PRIM2: variants seen among roughly 807,000 people sequenced by gnomAD.
PRIM2 encodes DNA primase subunit 2, also known as DNA primase large subunit.
Under a neutral mutation model 67.3 loss-of-function variants are expected in PRIM2, and 39 were observed. The ratio of observed to expected loss-of-function variants is 0.58; its 90% CI spans 0.45 to 0.76. The LOEUF is 0.76. Among genes scored for constraint, PRIM2 ranks in the 30% least tolerant of loss-of-function variants. The pLI, the probability that PRIM2 is intolerant of heterozygous loss-of-function variation, is 0.00. For synonymous variants in PRIM2, 143 were observed against 198.7 expected (o/e 0.72, Z 2.36); for missense variants, 398 against 598.7 (o/e 0.66, Z 3.50).
chr6:57,643,766 A>C (rs1314887661), intron 13 of PRIM2, among the ~76,000 whole-genome samples: 5 of 152,262 alleles, frequency 3.3e-5, no homozygotes, highest in Non-Finnish European at 7.3e-5. Flanking sequence ...TAAGTTAAAA[A>C]AATGAAGCAA....
Position 57,325,909 on chromosome 6 carries a change from T to A in PRIM2, c.339-16T>A. 6.4e-7 allele frequency: 1 copy of A among 1,571,522 alleles called. No individual in the cohort carries two copies. The highest frequency in any genetic ancestry group is 8.6e-7 in the Non-Finnish European group (1 of 1,160,006). ...GGATTTTTAGTTTGTACTCATAATTTCTGTCTTCATTTCAGTGAAGAACTT... is the reference window on the plus strand; with the variant it reads ...GGATTTTTAGTTTGTACTCATAATTACTGTCTTCATTTCAGTGAAGAACTT... On this transcript the variant is annotated splice_polypyrimidine_tract_variant and intron_variant, in intron 4 of 13. Coordinates refer to ENST00000615550, the MANE Select transcript of PRIM2 (RefSeq NM_000947.5).
chr6:57,456,480 C>G (rs986283958), intron 7 of PRIM2, among the ~76,000 whole-genome samples: 1 of 152,086 alleles, frequency 6.6e-6, no homozygotes, highest in Non-Finnish European at 1.5e-5. Context: ...AGGCTTTGTT[C>G]GTTTCTTTTT....
intron 5 of PRIM2, among the ~76,000 whole-genome samples, chr6:57,348,353 A>T (rs1251888211): frequency 6.6e-6 from 1 of 152,240 alleles, no homozygotes; most frequent in African/African-American, 2.4e-5. Flanking sequence ...GGTAAAAAAT[A>T]TATTTTTAAA....
chr6:57,257,741 C>G, the PRIM2 span, among the ~76,000 whole-genome samples: 1 of 152,138 alleles, frequency 6.6e-6, no homozygotes, highest in African/African-American at 2.4e-5. Context: ...CTCCATTTCT[C>G]ATTTGTAAAA....
chr6:57,374,690 A>T (rs1769697030), intron 5 of PRIM2, among the ~76,000 whole-genome samples: 1 of 152,046 alleles, frequency 6.6e-6, no homozygotes, highest in African/African-American at 2.4e-5. Flanking sequence ...TCCCAGGTTC[A>T]AGTGATCTTC....
At chr6:57,328,940 T>G (rs1050044679) in intron 5 of PRIM2, among the ~76,000 whole-genome samples, 1 of 152,244 alleles carries the variant, frequency 6.6e-6, no homozygotes, top group Non-Finnish European at 1.5e-5. Flanking sequence ...ATTGGTCATT[T>G]GTATATCATC....
intron 5 of PRIM2, among the ~76,000 whole-genome samples, chr6:57,332,600 T>G (rs1223103198): frequency 6.6e-6 from 1 of 152,180 alleles, no homozygotes; most frequent in Non-Finnish European, 1.5e-5. Flanking sequence ...GGTTGACCCT[T>G]TTATCATTAT....
intron 13 of PRIM2, among the ~76,000 whole-genome samples, chr6:57,636,587 A>G (rs1322489607): frequency 6.6e-6 from 1 of 152,248 alleles, no homozygotes; most frequent in Non-Finnish European, 1.5e-5. Context: ...CAAGCAACTT[A>G]GTAGATCACA....
At chr6:57,274,805 C>T in the PRIM2 span, among the ~76,000 whole-genome samples, 5 of 152,174 alleles carry the variant, frequency 3.3e-5, no homozygotes, top group Admixed American at 6.5e-5. Flanking sequence ...GAGACAGAGT[C>T]TTCCTCTATT....
chr6:57,388,243 A>G (rs1435538965), intron 7 of PRIM2, among the ~76,000 whole-genome samples: 1 of 152,228 alleles, frequency 6.6e-6, no homozygotes, highest in African/African-American at 2.4e-5. Flanking sequence ...TTTTAAATAG[A>G]TGACTGTGGC....
chr6:57,271,281 G>A, the PRIM2 span, among the ~76,000 whole-genome samples: 4 of 152,126 alleles, frequency 2.6e-5, no homozygotes, highest in South Asian at 6.3e-4. Flanking sequence ...GTTGGTAAGC[G>A]ATTGATTATT....
intron 7 of PRIM2, among the ~76,000 whole-genome samples, chr6:57,460,675 C>G (rs1157941001): frequency 1.3e-5 from 2 of 149,076 alleles, no homozygotes; most frequent in Non-Finnish European, 3.0e-5. Flanking sequence ...GTTATAACTT[C>G]TAAAATCTCT....
At chr6:57,259,052 A>G in the PRIM2 span, among the ~76,000 whole-genome samples, 1 of 152,244 alleles carries the variant, frequency 6.6e-6, no homozygotes, top group Non-Finnish European at 1.5e-5. Context: ...ACACATGGAT[A>G]TATTATAGCA....
rs555067831 is a variant in PRIM2, at chr6:57,350,047, T to G, written c.459+24002T>G. On this transcript the variant is annotated intron_variant, in intron 5 of 13. Transcript: ENST00000615550. The stretch of plus-strand genomic sequence containing the variant: ...CTTCATATACAGAGTTCAAAGCTCT[T>G]CATTTCTTGTGAATGCAGAGCTTCC... 8.5e-5 allele frequency among the ~76,000 whole-genome samples: 13 copies of G among 152,318 alleles called. No homozygotes were observed. In the East Asian group the frequency reaches 2.5e-3, roughly 29 times the overall value.
chr6:57,646,092 C>T lies in PRIM2; in HGVS notation c.1464C>T (p.Ala488=). ...QKTKDASSAL[A]SLNSSLEMDM... ...CCAAGGATGCATCATCTGCTCTGGC[C>T]TCTTTAAATTCCTCTCTGGAAATGG... Residue 488 remains alanine (A), a synonymous_variant, in exon 14 of 14, where the codon GCC becomes GCT. Coordinates refer to ENST00000615550, the MANE Select transcript of PRIM2 (RefSeq NM_000947.5). 6.2e-7 allele frequency: 1 copy of T among 1,602,778 alleles called. No homozygotes were observed. Among genetic ancestry groups the T allele is most frequent in the South Asian group, 1.1e-5 (1 of 90,814 alleles).
chr6:57,397,600 A>G (rs1380911897), intron 7 of PRIM2, among the ~76,000 whole-genome samples: 3 of 151,418 alleles, frequency 2.0e-5, no homozygotes, highest in Non-Finnish European at 4.4e-5. Context: ...ATTTCCTTGC[A>G]TTGGGCTTCC....
chr6:57,368,833 A>T (rs928309410), intron 5 of PRIM2, among the ~76,000 whole-genome samples: 24 of 152,258 alleles, frequency 1.6e-4, no homozygotes, highest in South Asian at 2.1e-4. Flanking sequence ...AACCTCAGTG[A>T]CTTATAGAAA....
chr6:57,321,628 G>T lies in PRIM2; in HGVS notation c.258+1068G>T, dbSNP rs150722484. On this transcript the variant is annotated intron_variant, in intron 3 of 13. Coordinates refer to ENST00000615550, the MANE Select transcript of PRIM2 (RefSeq NM_000947.5). ...GGATAGTAGTGTCATAGAAGCCAAG[G>T]AGGGCTAGAGTTTCAATAATAATGA... 1.3e-3 allele frequency among the ~76,000 whole-genome samples: 194 copies of T among 152,234 alleles called. 4 individuals are homozygous for T. In the East Asian group the frequency reaches 0.016, roughly 13 times the overall value.
intron 12 of PRIM2, among the ~76,000 whole-genome samples, chr6:57,624,707 T>G: frequency 6.6e-6 from 1 of 152,308 alleles, no homozygotes; most frequent in Non-Finnish European, 1.5e-5. Context: ...CATTTACTGT[T>G]CAAGACATTG....
Sources: allele counts gnomAD v4.1 joint callset (sites outside exome capture counted in the v4.1 genomes callset), GRCh38; gene constraint gnomAD v4.1.1; transcripts MANE v1.5; gene names NCBI Gene and HGNC (gene_info 2026-07-23, HGNC 2026-07-21).